The following NMNAT3 variants were observed in gnomAD, a reference collection of about 807,000 sequenced individuals.
NMNAT3 encodes the protein nicotinamide nucleotide adenylyltransferase 3.
NMNAT3 carries 21 observed loss-of-function variants against 24.8 expected under a neutral mutation model. The observed-to-expected ratio is 0.85, with a 90% confidence interval of 0.60 to 1.22. The LOEUF (loss-of-function observed/expected upper bound fraction) is 1.22, where lower values mean the gene tolerates loss of function less well. NMNAT3 is among the 50% of genes most tolerant of loss of function. The pLI, the probability that NMNAT3 is intolerant of heterozygous loss-of-function variation, is 0.00. For missense variants in NMNAT3, 387 were observed against 436.6 expected (o/e 0.89, Z 1.01); for synonymous variants, 136 against 155.2 (o/e 0.88, Z 0.92).
Position 139,621,206 on chromosome 3 carries a change from T to G in NMNAT3, c.109+6410A>C, listed in dbSNP as rs553130709. Among the ~76,000 whole-genome samples the G allele has an allele frequency of 7.5e-4, 114 of 152,334 alleles. 1 individual carries two copies. The highest frequency in any genetic ancestry group is 6.8e-3 in the Middle Eastern group (2 of 294). On this transcript the variant is annotated intron_variant, in intron 3 of 6. Coordinates refer to ENST00000643695, the MANE Select transcript of NMNAT3 (RefSeq NM_001320510.2). ...TTAGCCATACTTGGTATAATCAATT[T>G]TTAATTTTAGTCATTCTAATAGGGG... is the stretch of plus-strand genomic sequence containing the variant.
intron 4 of NMNAT3, among the ~76,000 whole-genome samples, chr3:139,582,291 G>T (rs2053673370): frequency 6.6e-6 from 1 of 151,018 alleles, no homozygotes; most frequent in African/African-American, 2.4e-5. Flanking sequence ...CCATTGGGGT[G>T]TTTATAAAAG....
rs187500054 is a variant in NMNAT3, at chr3:139,573,619, C to T, written c.637G>A (p.Ala213Thr). 1.2e-6 allele frequency: 2 copies of T among 1,601,850 alleles called. No homozygotes were observed. The highest frequency in any genetic ancestry group is 2.3e-5 in the East Asian group (1 of 44,422). Reference sequence around the variant, plus strand: ...CCACCTGCAGGGGTCGAGAAGAGTGCCTTGCCATGGTCTGGGCCTTCCATC... The same window carrying T: ...CCACCTGCAGGGGTCGAGAAGAGTGTCTTGCCATGGTCTGGGCCTTCCATC... Residue 213 changes from alanine to threonine, a missense_variant, in exon 6 of 7, where the codon GCA becomes ACA. Coordinates refer to ENST00000643695, the MANE Select transcript of NMNAT3 (RefSeq NM_001320510.2).
intron 3 of NMNAT3, among the ~76,000 whole-genome samples, chr3:139,626,249 T>C (rs2056044396): frequency 1.3e-5 from 2 of 152,158 alleles, no homozygotes; most frequent in Admixed American, 1.3e-4. Context: ...ATTCCAAGTA[T>C]ATTAAGCTGC....
intron 1 of NMNAT3, among the ~76,000 whole-genome samples, chr3:139,667,533 A>T (rs1458428168): frequency 6.6e-6 from 1 of 152,136 alleles, no homozygotes; most frequent in African/African-American, 2.4e-5. Flanking sequence ...ACAGTTTGCA[A>T]ATATTTGCTC....
Position 139,597,437 on chromosome 3 carries a change from GT to G in NMNAT3, c.110-14230del, listed in dbSNP as rs1248298995. On this transcript the variant is annotated intron_variant, in intron 3 of 6. Transcript: ENST00000643695. ...TTAATAGATATCTTTATGGTATATT[GT>G]CCTTGAATACCTAGGATAAATGCTA... Among the ~76,000 whole-genome samples the G allele has an allele frequency of 2.6e-5, 4 of 152,214 alleles. No individual in the cohort carries two copies. In the East Asian group the frequency reaches 7.7e-4, roughly 29 times the overall value.
intron 1 of NMNAT3, among the ~76,000 whole-genome samples, chr3:139,668,612 T>G (rs1195888624): frequency 6.6e-6 from 1 of 152,150 alleles, no homozygotes; most frequent in African/African-American, 2.4e-5. Context: ...TTAAAAAATG[T>G]TTTTTGGAAG....
chr3:139,629,379 G>A (rs2056194730), intron 2 of NMNAT3, among the ~76,000 whole-genome samples: 1 of 152,202 alleles, frequency 6.6e-6, no homozygotes, highest in Non-Finnish European at 1.5e-5. Context: ...ACTGACTGAA[G>A]CTTTATAAGA....
chr3:139,579,868 CTTGA>C (rs1187146920), intron 4 of NMNAT3, among the ~76,000 whole-genome samples: 2 of 152,140 alleles, frequency 1.3e-5, no homozygotes, highest in African/African-American at 2.4e-5. Context: ...TTCTGCAACT[CTTGA>C]TTGTGTGATT....
chr3:139,576,246 CTTTGAT>C (rs1939293935), intron 5 of NMNAT3: 1 of 984,630 alleles, frequency 1.0e-6, no homozygotes, highest in Non-Finnish European at 1.2e-6. Flanking sequence ...TCTTAAAAAA[CTTTGAT>C]TTTGATAATT....
At chr3:139,636,656 T>C (rs2056514656) in intron 2 of NMNAT3, 1 of 152,258 alleles carries the variant, frequency 6.6e-6, no homozygotes, top group Non-Finnish European at 1.5e-5. Flanking sequence ...TGCCTCGAAA[T>C]TGAGTTACTC....
chr3:139,626,934 T>G (rs572679496), intron 3 of NMNAT3, among the ~76,000 whole-genome samples: 1 of 152,236 alleles, frequency 6.6e-6, no homozygotes, highest in African/African-American at 2.4e-5. Flanking sequence ...CATAATACAT[T>G]CATAAATATA....
intron 3 of NMNAT3, among the ~76,000 whole-genome samples, chr3:139,592,487 C>T (rs553414767): frequency 0.029 from 4,438 of 152,124 alleles, 119 homozygotes; most frequent in Non-Finnish European, 0.042. Context: ...AGATACTCCT[C>T]GAGAAGAGCA....
intron 2 of NMNAT3, among the ~76,000 whole-genome samples, 152 bp from the exon 4 acceptor site, chr3:139,627,916 C>A (rs1321124624): frequency 6.6e-6 from 1 of 152,222 alleles, no homozygotes; most frequent in East Asian, 1.9e-4. Flanking sequence ...TGGCCATGGG[C>A]CATGAAGTAT....
chr3:139,592,356 A>C (rs1463119969), intron 3 of NMNAT3, among the ~76,000 whole-genome samples: 7 of 152,234 alleles, frequency 4.6e-5, no homozygotes, highest in Non-Finnish European at 7.3e-5. Context: ...GTGTACCTGA[A>C]AGTGACGGGG....
At chr3:139,569,412 T>C (rs1343566090) in intron 6 of NMNAT3, 1 of 152,248 alleles carries the variant, frequency 6.6e-6, no homozygotes, top group Non-Finnish European at 1.5e-5. Context: ...TTTTGCTCGT[T>C]AGTTGATGCA....
At chr3:139,612,138 G>T (rs977409474) in intron 3 of NMNAT3, among the ~76,000 whole-genome samples, 1 of 146,832 alleles carries the variant, frequency 6.8e-6, no homozygotes, top group Non-Finnish European at 1.5e-5. Context: ...TTGCACTCCA[G>T]CTTGGGCAAC....
At chr3:139,672,092 C>A (rs1387883714) in intron 1 of NMNAT3, among the ~76,000 whole-genome samples, 1 of 152,204 alleles carries the variant, frequency 6.6e-6, no homozygotes, top group African/African-American at 2.4e-5. Flanking sequence ...TTAGGCTGAG[C>A]CATGCTTGTC....
chr3:139,655,302 G>A (rs2057203783), intron 1 of NMNAT3, among the ~76,000 whole-genome samples: 1 of 152,174 alleles, frequency 6.6e-6, no homozygotes, highest in Non-Finnish European at 1.5e-5. Context: ...TTTTATGCAA[G>A]AGAGTGATCA....
chr3:139,660,832 T>C, intron 1 of NMNAT3, among the ~76,000 whole-genome samples: 1 of 152,054 alleles, frequency 6.6e-6, no homozygotes, highest in East Asian at 1.9e-4. Flanking sequence ...TAAGGGGAGA[T>C]AAAAAAAATC....
Sources: gnomAD v4.1 joint callset for allele counts (sites outside exome capture counted in the v4.1 genomes callset) on GRCh38, gnomAD v4.1.1 for gene constraint, MANE v1.5 for transcripts, NCBI Gene and HGNC (gene_info 2026-07-23, HGNC 2026-07-21) for gene names.